RHBDL3: variants seen among roughly 807,000 people sequenced by gnomAD.
RHBDL3 encodes rhomboid-related protein 3.
A neutral mutation model predicts 48.2 loss-of-function variants in RHBDL3; 28 were observed. The observed-to-expected ratio is 0.58, with a 90% CI of 0.43 to 0.80. The LOEUF is 0.80. Ranked by LOEUF, RHBDL3 falls within the 30% of genes least tolerant of loss-of-function variation. The pLI is 0.00. For missense variants in RHBDL3, 464 were observed against 542.7 expected (o/e 0.85, Z 1.44); for synonymous variants, 208 against 232.3 (o/e 0.90, Z 0.95).
chr17:32,294,094 C>T (rs2040395133), intron 4 of RHBDL3, among the ~76,000 whole-genome samples, 200 bp from the exon 5 acceptor site: 1 of 150,638 alleles, frequency 6.6e-6, no homozygotes, highest in Non-Finnish European at 1.5e-5. Flanking sequence ...TGCCATTGCA[C>T]TCCAGCCTGG....
rs546615769 is a variant in RHBDL3 at position 32,284,850 on chromosome 17, G to T, written c.294+33G>T. 23 of 1,596,674 alleles carry T rather than the reference G, an allele frequency of 1.4e-5. No homozygotes were observed. The African/African-American group carries it at 2.7e-4, about 19-fold the overall frequency. Reference sequence around the variant, plus strand: ...CTCTGGGGCCCTTGGTACTCGGGGGGACCTGTTTGAGGGTTATGGCTTCCA... The same window carrying T: ...CTCTGGGGCCCTTGGTACTCGGGGGTACCTGTTTGAGGGTTATGGCTTCCA... On this transcript the variant is annotated intron_variant, in intron 3 of 8. Transcript: ENST00000269051.
At chr17:32,284,595 C>T in intron 2 of RHBDL3, 64 bp from the exon 3 acceptor site, 1 of 1,520,334 alleles carries the variant, frequency 6.6e-7, no homozygotes, top group Non-Finnish European at 9.1e-7. Flanking sequence ...GATCAGGGCA[C>T]CCACATCAGT....
At chr17:32,310,903 A>AG (rs2040834098) in intron 7 of RHBDL3, among the ~76,000 whole-genome samples, 1 of 148,042 alleles carries the variant, frequency 6.8e-6, no homozygotes, top group East Asian at 1.9e-4. Flanking sequence ...AAAAAAAAAA[A>AG]GGTTTACTTT....
intron 7 of RHBDL3, among the ~76,000 whole-genome samples, chr17:32,308,873 C>A (rs2040771678): frequency 6.6e-6 from 1 of 151,890 alleles, no homozygotes; most frequent in Non-Finnish European, 1.5e-5. Flanking sequence ...CAAGACCAGC[C>A]TGACCAACAT....
chr17:32,267,981 G>T, intron 2 of RHBDL3, 56 bp downstream of exon 2: 1 of 1,398,134 alleles, frequency 7.2e-7, no homozygotes, highest in Non-Finnish European at 1.0e-6. Context: ...ATCGGTCTCA[G>T]TCTCCCTGCT....
At chr17:32,267,675 AT>A in intron 1 of RHBDL3, 1 of 79,386 alleles carries the variant, frequency 1.3e-5, no homozygotes, top group South Asian at 1.9e-4. Flanking sequence ...CCCCCACCCC[AT>A]CCCTTACTGT....
chr17:32,276,706 T>C (rs1567763448), intron 2 of RHBDL3, among the ~76,000 whole-genome samples: 1 of 149,818 alleles, frequency 6.7e-6, no homozygotes, highest in African/African-American at 2.5e-5. Flanking sequence ...AGCACAGTAC[T>C]CCGGCCCTAG....
At chr17:32,306,675 T>G (rs2040717940) in intron 7 of RHBDL3, among the ~76,000 whole-genome samples, 1 of 152,152 alleles carries the variant, frequency 6.6e-6, no homozygotes, top group Non-Finnish European at 1.5e-5. Context: ...ATCCCAGCAC[T>G]TTGAGAGGCT....
intron 4 of RHBDL3, among the ~76,000 whole-genome samples, chr17:32,291,054 C>T (rs548190482): frequency 2.0e-5 from 3 of 150,438 alleles, no homozygotes; most frequent in South Asian, 4.2e-4. Flanking sequence ...GGGGATTGGC[C>T]GGACGTGGTG....
At chr17:32,290,642 C>T (rs113457294) in intron 4 of RHBDL3, among the ~76,000 whole-genome samples, 2,509 of 152,212 alleles carry the variant, frequency 0.016, 66 homozygotes, top group African/African-American at 0.057. Context: ...TAAGAAACAG[C>T]AGCCGACAGC....
chr17:32,312,052 A>G (rs142854210), intron 7 of RHBDL3, among the ~76,000 whole-genome samples: 1 of 152,336 alleles, frequency 6.6e-6, no homozygotes, highest in East Asian at 1.9e-4. Context: ...GAGACCTCAG[A>G]TAAAGGAGAG....
chr17:32,269,811 T>TG (rs1443238121), intron 2 of RHBDL3, among the ~76,000 whole-genome samples: 1 of 152,224 alleles, frequency 6.6e-6, no homozygotes, highest in Non-Finnish European at 1.5e-5. Flanking sequence ...TGCCAGTCCC[T>TG]GTGTGTATGT....
In RHBDL3 at chr17:32,298,168, C is replaced by T. The variant is rs148089007; in HGVS notation, c.745C>T (p.Arg249Ter). 5 of 1,613,778 alleles carry T rather than the reference C, an allele frequency of 3.1e-6. No individual in the cohort carries two copies. Among genetic ancestry groups the T allele is most frequent in the Non-Finnish European group, 3.4e-6 (4 of 1,179,846 alleles). The change falls in exon 6 of 9, where the codon CGA (arginine) becomes TGA (stop). Residue 249 changes from arginine to a stop codon, truncating the protein, a stop_gained. Coordinates refer to ENST00000269051, the MANE Select transcript of RHBDL3 (RefSeq NM_138328.3). LOFTEE classifies it high-confidence loss of function. ...VPLEMVHGAT[R>*]IGLVYVAGVV... The stretch of plus-strand genomic sequence containing the variant: ...CCTGGAGATGGTGCATGGAGCCACC[C>T]GAATTGGGCTTGTCTACGTGGCCGG...
At chr17:32,266,857 G>A (rs1567757650) in intron 1 of RHBDL3, among the ~76,000 whole-genome samples, 1 of 151,952 alleles carries the variant, frequency 6.6e-6, no homozygotes, top group Non-Finnish European at 1.5e-5. Flanking sequence ...AGAGTGCTGG[G>A]AGCGGCTTTG....
intron 8 of RHBDL3, 38 bp from the exon 9 acceptor site, chr17:32,320,920 G>A (rs1235402034): frequency 6.6e-7 from 1 of 1,523,026 alleles, no homozygotes; most frequent in East Asian, 2.3e-5. Flanking sequence ...CCTGCTCAGG[G>A]CCCTCCTGTG....
chr17:32,274,806 G>A lies in RHBDL3; in HGVS notation c.135+6881G>A, dbSNP rs1029506416. Among the ~76,000 whole-genome samples the A allele has an allele frequency of 2.1e-4, 25 of 117,316 alleles. 1 individual carries two copies. Among genetic ancestry groups the A allele is most frequent in the Admixed American group, 1.1e-3 (13 of 12,346 alleles). 77.0% of individuals were successfully genotyped at this position (117,316 alleles called of 152,430 possible). ...GTCGCATGTGTATATATGTGTGCAC[G>A]TGTGTTTGTGCATGAGTGTGCATGT... On this transcript the variant is annotated intron_variant, in intron 2 of 8. Transcript: ENST00000269051.
chr17:32,275,052 G>T (rs1440098043), intron 2 of RHBDL3, among the ~76,000 whole-genome samples: 1 of 152,034 alleles, frequency 6.6e-6, no homozygotes, highest in African/African-American at 2.4e-5. Context: ...GGATCTGTTG[G>T]CTCTCTCTCC....
intron 2 of RHBDL3, among the ~76,000 whole-genome samples, chr17:32,276,438 C>A (rs1177229429): frequency 1.3e-5 from 2 of 152,142 alleles, no homozygotes; most frequent in Non-Finnish European, 1.5e-5. Flanking sequence ...ACCTAATTTA[C>A]GGGGCTGTAA....
intron 4 of RHBDL3, among the ~76,000 whole-genome samples, chr17:32,292,855 T>A (rs1310421717): frequency 6.8e-6 from 1 of 146,148 alleles, no homozygotes; most frequent in East Asian, 2.0e-4. Flanking sequence ...GGCTCATGCC[T>A]ATAATCTCAG....
Sources: gnomAD v4.1 joint callset for allele counts (sites outside exome capture counted in the v4.1 genomes callset) on GRCh38, gnomAD v4.1.1 for gene constraint, MANE v1.5 for transcripts, NCBI Gene and HGNC (gene_info 2026-07-23, HGNC 2026-07-21) for gene names.